The following PPEF2 variants were observed in gnomAD, a reference collection of about 807,000 sequenced individuals.
PPEF2 encodes protein phosphatase with EF-hand domain 2, also known as serine/threonine-protein phosphatase with EF-hands 2.
PPEF2 carries 84 observed loss-of-function variants against 84.7 expected under a neutral mutation model. The observed-to-expected ratio is 0.99, with a 90% CI of 0.83 to 1.19. PPEF2 has a LOEUF of 1.19. PPEF2 is among the 50% of genes most tolerant of loss of function. The pLI, the probability that PPEF2 is intolerant of heterozygous loss-of-function variation, is 0.00. For missense variants in PPEF2, 924 were observed against 937.5 expected (o/e 0.99, Z 0.19); for synonymous variants, 346 against 345.2 (o/e 1.00, Z -0.03).
chr4:75,887,163 A>G (rs541778439), intron 6 of PPEF2, among the ~76,000 whole-genome samples: 1 of 152,352 alleles, frequency 6.6e-6, no homozygotes, highest in African/African-American at 2.4e-5. Flanking sequence ...AGAATAGTGC[A>G]AGGTTGCAAA....
intron 5 of PPEF2, among the ~76,000 whole-genome samples, chr4:75,888,843 C>G (rs1185783565): frequency 1.3e-5 from 2 of 152,234 alleles, no homozygotes; most frequent in African/African-American, 4.8e-5. Context: ...TTGCAGTAGT[C>G]TCTTGACTGG....
intron 10 of PPEF2, chr4:75,881,930 C>T (rs1392579511): frequency 6.6e-6 from 1 of 152,168 alleles, no homozygotes; most frequent in African/African-American, 2.4e-5. Context: ...ACTGATTGTT[C>T]CCTGTCTTTG....
intron 10 of PPEF2, among the ~76,000 whole-genome samples, chr4:75,877,368 G>C (rs1430600704): frequency 5.9e-5 from 1 of 17,026 alleles, no homozygotes; most frequent in Admixed American, 1.5e-3. Context: ...AAAAGAGAGA[G>C]AGAAAGAAAG....
chr4:75,885,724 T>C (rs1724702713), intron 7 of PPEF2, among the ~76,000 whole-genome samples: 1 of 151,914 alleles, frequency 6.6e-6, no homozygotes, highest in African/African-American at 2.4e-5. Flanking sequence ...AATTAGTCCA[T>C]CGTAGGCCAG....
chr4:75,870,616 G>A (rs1724244194), intron 13 of PPEF2, among the ~76,000 whole-genome samples: 1 of 152,084 alleles, frequency 6.6e-6, no homozygotes, highest in Admixed American at 6.6e-5. Flanking sequence ...TTCGTTGTAG[G>A]AGGCAATATT....
At position 75,900,589 on chromosome 4, in the gene PPEF2, G is replaced by A. The variant is rs1468738941; in HGVS notation, c.-59+1641C>T. ...CTCATCTGTTTCTCTGTTATTTATG[G>A]ATAATGGTAACGTCATTACAGGGTT... On this transcript the variant is annotated intron_variant, in intron 1 of 16. Coordinates refer to ENST00000286719, the MANE Select transcript of PPEF2 (RefSeq NM_006239.3). Among the ~76,000 whole-genome samples the A allele has an allele frequency of 2.0e-5, 3 of 152,128 alleles. No homozygotes were observed. The South Asian group carries it at 6.2e-4, about 32-fold the overall frequency.
chr4:75,875,999 A>T (rs1560482333), intron 11 of PPEF2, among the ~76,000 whole-genome samples: 1 of 152,186 alleles, frequency 6.6e-6, no homozygotes, highest in Non-Finnish European at 1.5e-5. Context: ...ATTAAAAAAA[A>T]TAGCACACAA....
chr4:75,860,051 T>A lies in PPEF2; in HGVS notation c.*616A>T, dbSNP rs1376389134. 1 of 152,124 alleles carries A rather than the reference T, an allele frequency of 6.6e-6. No homozygotes were observed. Among genetic ancestry groups the A allele is most frequent in the Non-Finnish European group, 1.5e-5 (1 of 68,042 alleles). The allele number at this position is 152,124 out of a possible 1,614,324, so 9.4% of individuals were successfully genotyped here. The stretch of plus-strand genomic sequence containing the variant: ...AATAGACATTGTTAAAGACAATAAA[T>A]AAAAAGTATAAAATAGGCTGGGTGC... On this transcript the variant is annotated 3_prime_UTR_variant, in exon 17 of 17. Coordinates refer to ENST00000286719, the MANE Select transcript of PPEF2 (RefSeq NM_006239.3).
At chr4:75,868,653 G>A (rs149942302) in intron 13 of PPEF2, among the ~76,000 whole-genome samples, 38 of 150,422 alleles carry the variant, frequency 2.5e-4, no homozygotes, top group African/African-American at 9.3e-4. Flanking sequence ...CCAAGATCAT[G>A]CCACTGCACT....
chr4:75,897,315 T>C (rs886782955), intron 1 of PPEF2, among the ~76,000 whole-genome samples: 1 of 152,226 alleles, frequency 6.6e-6, no homozygotes, highest in African/African-American at 2.4e-5. Context: ...GTCTCAAATA[T>C]CTGTTGATCT....
intron 13 of PPEF2, 108 bp downstream of exon 13, chr4:75,871,917 T>C: frequency 1.6e-6 from 2 of 1,272,126 alleles, no homozygotes; most frequent in Non-Finnish European, 2.2e-6. Flanking sequence ...AGCCAAATTC[T>C]GAATTCTCAC....
Position 75,866,324 on chromosome 4 carries a change from T to G in PPEF2, c.1785A>C (p.Ala595=). ...VGLITLSDWA[A]AVESVLHLGL... Reference sequence around the variant, plus strand: ...CTAGGTGCAACACAGACTCCACCGCTGCTGCCCAGTCACTCAAGGTGATTA... The same window carrying G: ...CTAGGTGCAACACAGACTCCACCGCGGCTGCCCAGTCACTCAAGGTGATTA... The change falls in exon 15 of 17, where the codon GCA becomes GCC. Residue 595 remains alanine, a synonymous_variant. Coordinates refer to ENST00000286719, the MANE Select transcript of PPEF2 (RefSeq NM_006239.3). The G allele has an allele frequency of 6.2e-7, 1 of 1,613,900 alleles. No homozygotes were observed. Among genetic ancestry groups the G allele is most frequent in the Non-Finnish European group, 8.5e-7 (1 of 1,179,880 alleles).
intron 13 of PPEF2, among the ~76,000 whole-genome samples, chr4:75,868,774 G>T (rs545363074): frequency 1.1e-3 from 166 of 152,186 alleles, no homozygotes; most frequent in African/African-American, 3.9e-3. Context: ...AGGCTGAAGC[G>T]GGAGGATCAC....
At chr4:75,869,882 G>A (rs1724228028) in intron 13 of PPEF2, among the ~76,000 whole-genome samples, 1 of 151,872 alleles carries the variant, frequency 6.6e-6, no homozygotes, top group Admixed American at 6.6e-5. Flanking sequence ...AGAAAAACAA[G>A]GATGTTATCT....
chr4:75,891,332 G>A (rs540768993), intron 4 of PPEF2, among the ~76,000 whole-genome samples: 17 of 152,216 alleles, frequency 1.1e-4, no homozygotes, highest in Admixed American at 2.6e-4. Context: ...TGAGGCTTGC[G>A]TTTTGCACTG....
At chr4:75,893,733 A>G (rs1006856989) in intron 2 of PPEF2, among the ~76,000 whole-genome samples, 2 of 152,184 alleles carry the variant, frequency 1.3e-5, no homozygotes, top group East Asian at 1.9e-4. Flanking sequence ...ATGGACATCA[A>G]TGTTGTCTGC....
In PPEF2 at chr4:75,880,818, T is replaced by TTTTTG. The variant is rs34174332; in HGVS notation, c.933+2107_933+2108insCAAAA. On this transcript the variant is annotated intron_variant, in intron 10 of 16. Transcript: ENST00000286719. ...CCCTATAAATACTTTTTTTTTTTTT[T>TTTTTG]GAGACAGAGTCTCACTCTGTCGCCA... Among the ~76,000 whole-genome samples the TTTTTG allele has an allele frequency of 3.1e-3, 413 of 134,052 alleles. 26 individuals are homozygous for TTTTTG. The highest frequency in any genetic ancestry group is 4.9e-3 in the East Asian group (22 of 4,470). 87.9% of individuals were successfully genotyped at this position (134,052 alleles called of 152,430 possible).
At chr4:75,896,562 A>G (rs1415753786) in intron 1 of PPEF2, among the ~76,000 whole-genome samples, 179 bp from the exon 2 acceptor site, 1 of 152,144 alleles carries the variant, frequency 6.6e-6, no homozygotes. Flanking sequence ...CCCGTTTTCA[A>G]CCTTTCCACT....
At chr4:75,873,432 C>T in intron 11 of PPEF2, 120 bp from the exon 12 acceptor site, 1 of 936,620 alleles carries the variant, frequency 1.1e-6, no homozygotes, top group Non-Finnish European at 1.6e-6. Context: ...AATAAATGTC[C>T]ATGCAAGCAA....
Sources: gnomAD v4.1 joint callset for allele counts (sites outside exome capture counted in the v4.1 genomes callset) on GRCh38, gnomAD v4.1.1 for gene constraint, MANE v1.5 for transcripts, NCBI Gene and HGNC (gene_info 2026-07-23, HGNC 2026-07-21) for gene names.